Variants in PRDM16 observed in about 807,000 individuals in gnomAD.
The protein encoded by PRDM16 is histone-lysine N-methyltransferase PRDM16.
Under a neutral mutation model 110.6 loss-of-function variants are expected in PRDM16, and 23 were observed. The ratio of observed to expected loss-of-function variants is 0.21; its 90% confidence interval spans 0.15 to 0.29. PRDM16 has a LOEUF of 0.29. PRDM16 is among the 10% of genes least tolerant of loss of function. PRDM16 has a pLI of 1.00. For missense variants in PRDM16, 1,615 were observed against 1,794.3 expected (o/e 0.90, Z 1.81); for synonymous variants, 799 against 781.8 (o/e 1.02, Z -0.37).
chr1:3,128,055 G>A (rs182253657), intron 1 of PRDM16: 22 of 154,978 alleles, frequency 1.4e-4, no homozygotes, highest in African/African-American at 5.0e-4. Flanking sequence ...GAGGGCACTT[G>A]TATGAAAATC....
chr1:3,355,653 C>T (rs927807102), intron 3 of PRDM16, among the ~76,000 whole-genome samples: 5 of 152,176 alleles, frequency 3.3e-5, no homozygotes, highest in Non-Finnish European at 7.4e-5. Context: ...TGGCCACACA[C>T]CTTCACTCTT....
intron 1 of PRDM16, among the ~76,000 whole-genome samples, chr1:3,141,246 C>T (rs375408695): frequency 6.6e-6 from 1 of 152,198 alleles, no homozygotes; most frequent in Non-Finnish European, 1.5e-5. Flanking sequence ...CTCCTTCTGC[C>T]GTGATGAATG....
intron 2 of PRDM16, chr1:3,207,815 A>G (rs1362406151): frequency 6.6e-6 from 1 of 152,270 alleles, no homozygotes; most frequent in Non-Finnish European, 1.5e-5. Flanking sequence ...TCGAGTGTGA[A>G]ATAGAGTAGC....
chr1:3,118,929 C>T (rs1453423469), intron 1 of PRDM16, among the ~76,000 whole-genome samples: 4 of 152,210 alleles, frequency 2.6e-5, no homozygotes, highest in Admixed American at 6.5e-5. Flanking sequence ...GCCCCCTGCC[C>T]GACCTTCTAA....
rs1171983960 is a variant in PRDM16 at position 3,390,578 on chromosome 1, G to T, written c.573+5292G>T. Among the ~76,000 whole-genome samples, 1 of 152,150 alleles carries T rather than the reference G, an allele frequency of 6.6e-6. No individual in the cohort carries two copies. Among genetic ancestry groups the T allele is most frequent in the South Asian group, 2.1e-4 (1 of 4,820 alleles). On this transcript the variant is annotated intron_variant, in intron 4 of 16. Transcript: ENST00000270722. This position sits in a 1 kb window ranked among gnomAD's most constrained non-coding sequence, Gnocchi z 5.0. ...CAGGCATTGTGTTAGAAGAGTGGCC[G>T]CCGGTGGCCAGGCAGCACCGCGTGG...
chr1:3,298,168 A>T (rs2455144), intron 3 of PRDM16, among the ~76,000 whole-genome samples: 1 of 152,052 alleles, frequency 6.6e-6, no homozygotes, highest in African/African-American at 2.4e-5. Flanking sequence ...AGCATCTTCC[A>T]CTCCTTAAAT....
In PRDM16 at chr1:3,180,874, ACG is replaced by A. The variant is rs1557507007; in HGVS notation, c.38-5249_38-5248del. Among the ~76,000 whole-genome samples, 204 of 151,932 alleles carry A rather than the reference ACG, an allele frequency of 1.3e-3. 1 individual carries two copies. Among genetic ancestry groups the A allele is most frequent in the African/African-American group, 4.9e-3 (202 of 41,388 alleles). On this transcript the variant is annotated intron_variant, in intron 1 of 16. Transcript: ENST00000270722. Reference sequence around the variant, plus strand: ...CGCAGTCTTACGCACGGCCTTACACACGCAGTCTTACACACGGCCTCACACAC... The same window carrying A: ...CGCAGTCTTACGCACGGCCTTACACACAGTCTTACACACGGCCTCACACAC...
intron 3 of PRDM16, among the ~76,000 whole-genome samples, chr1:3,283,180 AC>A (rs1036346132): frequency 6.6e-6 from 1 of 151,900 alleles, no homozygotes; most frequent in Admixed American, 6.6e-5. Flanking sequence ...GCCCCTCGTC[AC>A]CTTCCCTCCT....
In PRDM16 at chr1:3,250,065, C is replaced by T. The variant is rs138308227; in HGVS notation, c.438+5928C>T. Among the ~76,000 whole-genome samples, 1,422 of 152,246 alleles carry T rather than the reference C, an allele frequency of 9.3e-3. 22 individuals carry two copies. The highest frequency in any genetic ancestry group is 0.032 in the African/African-American group (1,332 of 41,518). On this transcript the variant is annotated intron_variant, in intron 3 of 16. Coordinates refer to ENST00000270722, the MANE Select transcript of PRDM16 (RefSeq NM_022114.4). ...GGCCGTGGCCCTGGGGACCCTCATC[C>T]GCCCCTGGGGACCAGCCCAGGTGCC... is the stretch of plus-strand genomic sequence containing the variant.
At position 3,382,321 on chromosome 1, in the gene PRDM16, G is replaced by C. The variant is rs1217935278; in HGVS notation, c.439-2831G>C. 1.3e-5 allele frequency among the ~76,000 whole-genome samples: 2 copies of C among 152,232 alleles called. No individual in the cohort carries two copies. The highest frequency in any genetic ancestry group is 6.5e-5 in the Admixed American group (1 of 15,290). The stretch of plus-strand genomic sequence containing the variant: ...CAATGGGGCGGGCTGCTGAGTCTGT[G>C]GTTCTTGGATTGGGCTGGCCCTGGA... On this transcript the variant is annotated intron_variant, in intron 3 of 16. Transcript: ENST00000270722. This position sits in a 1 kb window ranked among gnomAD's most constrained non-coding sequence, Gnocchi z 6.6.
intron 1 of PRDM16, among the ~76,000 whole-genome samples, chr1:3,135,797 C>G (rs550100249): frequency 1.3e-5 from 2 of 152,210 alleles, no homozygotes; most frequent in East Asian, 1.9e-4. Flanking sequence ...GGATCCCAGC[C>G]GTCCCCAGAC....
At position 3,385,253 on chromosome 1, in the gene PRDM16, C is replaced by T; in HGVS notation, c.540C>T (p.Asp180=). The change falls in exon 4 of 17, where the codon GAC becomes GAT. Residue 180 remains aspartate (D), a synonymous_variant. Coordinates refer to ENST00000270722, the MANE Select transcript of PRDM16 (RefSeq NM_022114.4). Reference sequence around the variant, plus strand: ...TCCGTGTGGCGTGCTCCTGCGATGACCAGAACCTCACCATGTGTCAGATCA... The same window carrying T: ...TCCGTGTGGCGTGCTCCTGCGATGATCAGAACCTCACCATGTGTCAGATCA... ...KYIRVACSCD[D]QNLTMCQISE... 3 of 1,613,708 alleles carry T rather than the reference C, an allele frequency of 1.9e-6. No individual in the cohort carries two copies. Among genetic ancestry groups the T allele is most frequent in the Non-Finnish European group, 1.7e-6 (2 of 1,180,012 alleles).
chr1:3,301,375 A>G (rs970558115), intron 3 of PRDM16, among the ~76,000 whole-genome samples: 1 of 151,752 alleles, frequency 6.6e-6, no homozygotes, highest in East Asian at 1.9e-4. Flanking sequence ...AGGAAGGAGG[A>G]AAAGAAAGCT....
intron 14 of PRDM16, among the ~76,000 whole-genome samples, chr1:3,427,092 G>T (rs922643604): frequency 6.6e-6 from 1 of 152,238 alleles, no homozygotes; most frequent in Non-Finnish European, 1.5e-5. Flanking sequence ...ACATGTACAC[G>T]CATGGGCGCA....
chr1:3,241,976 C>A (rs1639684764), intron 2 of PRDM16, among the ~76,000 whole-genome samples: 1 of 152,228 alleles, frequency 6.6e-6, no homozygotes, highest in Non-Finnish European at 1.5e-5. Flanking sequence ...GGCTCCTGGG[C>A]TGACCCTGCC....
intron 5 of PRDM16, among the ~76,000 whole-genome samples, chr1:3,398,232 C>T (rs1218811264): frequency 6.6e-6 from 1 of 152,104 alleles, no homozygotes; most frequent in East Asian, 1.9e-4. Context: ...TTTTTAAAAA[C>T]CTTGATTTCT....
At position 3,297,008 on chromosome 1, in the gene PRDM16, A is replaced by G. The variant is rs551182332; in HGVS notation, c.438+52871A>G. Among the ~76,000 whole-genome samples, 11 of 152,330 alleles carry G rather than the reference A, an allele frequency of 7.2e-5. No homozygotes were observed. The South Asian group carries it at 2.1e-3, about 29-fold the overall frequency. ...CAGGGTAAAGTGTTGGCTGTCCCACATAATTTATTGAATACTGTACTGAAA... is the reference window on the plus strand; with the variant it reads ...CAGGGTAAAGTGTTGGCTGTCCCACGTAATTTATTGAATACTGTACTGAAA... On this transcript the variant is annotated intron_variant, in intron 3 of 16. Transcript: ENST00000270722.
At chr1:3,114,267 TACACACAC>T (rs1557456328) in intron 1 of PRDM16, among the ~76,000 whole-genome samples, 1 of 117,486 alleles carries the variant, frequency 8.5e-6, no homozygotes, top group Non-Finnish European at 1.8e-5. Context: ...CGCGCACACG[TACACACAC>T]GCACACACGC....
intron 1 of PRDM16, among the ~76,000 whole-genome samples, chr1:3,122,679 C>A (rs181647980): frequency 1.3e-5 from 2 of 152,184 alleles, no homozygotes; most frequent in African/African-American, 2.4e-5. Flanking sequence ...CATTCCCCCC[C>A]TCCGTGCTGC....
Sources: allele counts gnomAD v4.1 joint callset (sites outside exome capture counted in the v4.1 genomes callset), GRCh38; gene constraint gnomAD v4.1.1; non-coding constraint Gnocchi (gnomAD v3.1); transcripts MANE v1.5; gene names NCBI Gene and HGNC (gene_info 2026-07-23, HGNC 2026-07-21).